ST8SIA4: variants seen among roughly 807,000 people sequenced by gnomAD.
ST8SIA4 encodes the protein CMP-N-acetylneuraminate-poly-alpha-2,8-sialyltransferase.
Under a neutral mutation model 33.9 loss-of-function variants are expected in ST8SIA4, and 15 were observed. The ratio of observed to expected loss-of-function variants is 0.44; its 90% CI spans 0.30 to 0.68. The LOEUF (loss-of-function observed/expected upper bound fraction) is 0.68, where lower values mean the gene tolerates loss of function less well. Ranked by LOEUF, ST8SIA4 falls within the 30% of genes least tolerant of loss-of-function variation. The probability of loss-of-function intolerance (pLI) is 0.10; values close to 1 mark genes in which losing one functional copy is unlikely to be tolerated. For missense variants in ST8SIA4, 321 were observed against 428.0 expected (o/e 0.75, Z 2.21); for synonymous variants, 171 against 151.2 (o/e 1.13, Z -0.96).
intron 3 of ST8SIA4, among the ~76,000 whole-genome samples, chr5:100,866,041 C>G (rs529561489): frequency 2.0e-4 from 30 of 152,260 alleles, no homozygotes; most frequent in African/African-American, 6.3e-4. Flanking sequence ...CTTGAGGACA[C>G]ATGGGCCTGG....
intron 3 of ST8SIA4, among the ~76,000 whole-genome samples, chr5:100,863,168 A>G (rs1427254266): frequency 6.6e-6 from 1 of 152,230 alleles, no homozygotes; most frequent in Non-Finnish European, 1.5e-5. Context: ...AGGAATATAC[A>G]GAAGGTTGTG....
chr5:100,839,464 C>T (rs1448099744), intron 4 of ST8SIA4, among the ~76,000 whole-genome samples: 1 of 151,840 alleles, frequency 6.6e-6, no homozygotes, highest in Non-Finnish European at 1.5e-5. Flanking sequence ...GAAAAAATAA[C>T]CATTGAAATC....
At chr5:100,840,524 T>TA (rs1751449938) in intron 4 of ST8SIA4, among the ~76,000 whole-genome samples, 1 of 151,764 alleles carries the variant, frequency 6.6e-6, no homozygotes, top group South Asian at 2.1e-4. Context: ...TCCCCAATCA[T>TA]ACCTAAATAT....
chr5:100,849,188 T>C lies in ST8SIA4; in HGVS notation c.797+6915A>G, dbSNP rs573398595. 921 of 985,224 alleles carry C rather than the reference T, an allele frequency of 9.3e-4. 1 individual carries two copies. The highest frequency in any genetic ancestry group is 1.1e-3 in the Non-Finnish European group (898 of 829,884). 61.0% of individuals were successfully genotyped at this position (985,224 alleles called of 1,614,324 possible). ...GAGTTTTTTTGTGACAGTTTGAATATTCCCATGTGTAAGGACAAAGTTCAG... is the reference window on the plus strand; with the variant it reads ...GAGTTTTTTTGTGACAGTTTGAATACTCCCATGTGTAAGGACAAAGTTCAG... On this transcript the variant is annotated intron_variant, in intron 4 of 4. Transcript: ENST00000231461.
At chr5:100,842,767 TTTAA>T (rs1284842899) in intron 4 of ST8SIA4, among the ~76,000 whole-genome samples, 2 of 151,962 alleles carry the variant, frequency 1.3e-5, no homozygotes, top group East Asian at 1.9e-4. Flanking sequence ...ATGATTTTAC[TTTAA>T]TTAAGATTCA....
intron 4 of ST8SIA4, among the ~76,000 whole-genome samples, chr5:100,841,407 C>T (rs1294236439): frequency 1.3e-5 from 2 of 151,762 alleles, no homozygotes; most frequent in Non-Finnish European, 2.9e-5. Flanking sequence ...GGCCAATTCA[C>T]GCTGACTTCT....
chr5:100,850,527 A>C (rs1484060956), intron 4 of ST8SIA4, among the ~76,000 whole-genome samples: 1 of 152,008 alleles, frequency 6.6e-6, no homozygotes, highest in African/African-American at 2.4e-5. Flanking sequence ...ATCTTTTAAT[A>C]ATAGTTCATA....
intron 4 of ST8SIA4, among the ~76,000 whole-genome samples, chr5:100,842,510 C>A (rs1352957164): frequency 1.3e-5 from 2 of 151,856 alleles, no homozygotes; most frequent in Non-Finnish European, 2.9e-5. Flanking sequence ...AAACTGCCCA[C>A]ATCCCACCTC....
intron 4 of ST8SIA4, among the ~76,000 whole-genome samples, chr5:100,840,008 A>T (rs1441584574): frequency 6.6e-6 from 1 of 151,440 alleles, no homozygotes; most frequent in Non-Finnish European, 1.5e-5. Flanking sequence ...ATATATTTAA[A>T]TAAAAATATA....
chr5:100,842,977 T>A (rs189391341), intron 4 of ST8SIA4, among the ~76,000 whole-genome samples: 4 of 151,956 alleles, frequency 2.6e-5, no homozygotes, highest in Non-Finnish European at 1.5e-5. Context: ...AGCTTTAAAG[T>A]TGAACTCAGT....
intron 3 of ST8SIA4, among the ~76,000 whole-genome samples, chr5:100,862,714 T>C (rs1277886597): frequency 2.6e-5 from 4 of 152,220 alleles, no homozygotes; most frequent in Non-Finnish European, 5.9e-5. Context: ...ATACCTTTTA[T>C]TGAACATTTG....
intron 3 of ST8SIA4, among the ~76,000 whole-genome samples, chr5:100,872,919 G>A (rs1308350167): frequency 1.3e-5 from 2 of 150,208 alleles, no homozygotes; most frequent in African/African-American, 2.4e-5. Context: ...GAGCTCCAGC[G>A]TGCCTAGGGC....
At chr5:100,885,831 C>T (rs1441995936) in intron 3 of ST8SIA4, 4 of 874,098 alleles carry the variant, frequency 4.6e-6, no homozygotes, top group Non-Finnish European at 5.5e-6. Context: ...CTAACATACA[C>T]AAATACCACA....
chr5:100,821,944 A>G (rs1751040436), intron 4 of ST8SIA4, among the ~76,000 whole-genome samples: 1 of 152,210 alleles, frequency 6.6e-6, no homozygotes, highest in South Asian at 2.1e-4. Flanking sequence ...CCATGAGCAT[A>G]TAAGAAAGGG....
chr5:100,821,510 G>A (rs961924073), intron 4 of ST8SIA4, among the ~76,000 whole-genome samples: 2 of 152,054 alleles, frequency 1.3e-5, no homozygotes, highest in African/African-American at 2.4e-5. Context: ...TCTTATTTTA[G>A]CTTGATCTGG....
chr5:100,902,680 C>A (rs1752947332), intron 1 of ST8SIA4, among the ~76,000 whole-genome samples, 163 bp downstream of exon 1: 1 of 152,184 alleles, frequency 6.6e-6, no homozygotes, highest in Admixed American at 6.5e-5. Context: ...TAGAGAAGCA[C>A]GCACATCTCA....
chr5:100,869,792 C>T (rs966366484), intron 3 of ST8SIA4, among the ~76,000 whole-genome samples: 1 of 152,098 alleles, frequency 6.6e-6, no homozygotes, highest in African/African-American at 2.4e-5. Context: ...GGCTTTTCCC[C>T]TTGAATGTTC....
chr5:100,896,254 G>A (rs1358175118), intron 1 of ST8SIA4, among the ~76,000 whole-genome samples: 1 of 152,038 alleles, frequency 6.6e-6, no homozygotes, highest in African/African-American at 2.4e-5. Flanking sequence ...TACCAATGGA[G>A]TACTATTCAG....
chr5:100,900,893 AC>A (rs1396248182), intron 1 of ST8SIA4, among the ~76,000 whole-genome samples: 1 of 151,962 alleles, frequency 6.6e-6, no homozygotes, highest in Non-Finnish European at 1.5e-5. Context: ...GCAGGGGATA[AC>A]CCCGGTGCGC....
Sources: gnomAD v4.1 joint callset for allele counts (sites outside exome capture counted in the v4.1 genomes callset) on GRCh38, gnomAD v4.1.1 for gene constraint, MANE v1.5 for transcripts, NCBI Gene and HGNC (gene_info 2026-07-23, HGNC 2026-07-21) for gene names.